NEXMIF: variants seen among roughly 807,000 people sequenced by gnomAD.
NEXMIF encodes the protein XLMR protein related to neurite extension.
Under a neutral mutation model 62.1 loss-of-function variants are expected in NEXMIF, and 8 were observed. The ratio of observed to expected loss-of-function variants is 0.13; its 90% CI spans 0.08 to 0.23. The LOEUF (loss-of-function observed/expected upper bound fraction) is 0.23. Ranked by LOEUF, NEXMIF falls within the 10% of genes least tolerant of loss-of-function variation. NEXMIF has a pLI of 1.00. For missense variants in NEXMIF, 976 were observed against 1,113.3 expected (o/e 0.88, Z 1.75); for synonymous variants, 404 against 416.6 (o/e 0.97, Z 0.37).
At chrX:74,893,752 A>T (rs2080724732) in intron 1 of NEXMIF, among the ~76,000 whole-genome samples, 1 of 112,062 alleles carries the variant, frequency 8.9e-6, no homozygotes, top group Admixed American at 9.5e-5. Context: ...GCTTTGCAGA[A>T]ATTATAGCAT....
intron 1 of NEXMIF, among the ~76,000 whole-genome samples, chrX:74,805,472 G>A (rs1355226444): frequency 8.9e-6 from 1 of 112,415 alleles, no homozygotes; most frequent in Admixed American, 9.4e-5. Flanking sequence ...TGTTTACTCT[G>A]TTGATAGCTT....
At chrX:74,795,904 C>G in intron 1 of NEXMIF, among the ~76,000 whole-genome samples, 1 of 104,912 alleles carries the variant, frequency 9.5e-6, no homozygotes. Context: ...AAGCTGTTGT[C>G]ATGGTGGTAT....
intron 1 of NEXMIF, among the ~76,000 whole-genome samples, chrX:74,767,499 C>T (rs1334061978): frequency 9.0e-6 from 1 of 111,661 alleles, no homozygotes; most frequent in Non-Finnish European, 1.9e-5. Context: ...GGATCCAGCA[C>T]CCATGTGAAA....
At chrX:74,906,521 G>A (rs979399986) in intron 1 of NEXMIF, among the ~76,000 whole-genome samples, 4 of 109,971 alleles carry the variant, frequency 3.6e-5, no homozygotes, top group Admixed American at 9.8e-5. Flanking sequence ...TATTTTCTCC[G>A]GACAGAAATT....
intron 1 of NEXMIF, among the ~76,000 whole-genome samples, chrX:74,923,254 A>G (rs1477313185): frequency 1.8e-5 from 2 of 111,981 alleles, no homozygotes; most frequent in African/African-American, 6.5e-5. Context: ...TTGACCTAGT[A>G]AGCAAATACG....
At chrX:74,882,723 G>C (rs1165747677) in intron 1 of NEXMIF, among the ~76,000 whole-genome samples, 3 of 112,282 alleles carry the variant, frequency 2.7e-5, no homozygotes, top group Non-Finnish European at 5.6e-5. Context: ...TCTGGAGACA[G>C]GGCACAGAAA....
At chrX:74,855,292 C>T (rs542843531) in intron 1 of NEXMIF, among the ~76,000 whole-genome samples, 2 of 112,011 alleles carry the variant, frequency 1.8e-5, no homozygotes, top group South Asian at 7.3e-4. Context: ...TCTATGAAGG[C>T]ACAAAGAACG....
chrX:74,836,755 G>A (rs1040639808), intron 1 of NEXMIF, among the ~76,000 whole-genome samples: 6 of 111,445 alleles, frequency 5.4e-5, no homozygotes, highest in Non-Finnish European at 9.4e-5. Context: ...CCTGGGGTTG[G>A]GGGGAGGCAT....
chrX:74,762,135 G>A (rs2080178619), intron 1 of NEXMIF, among the ~76,000 whole-genome samples: 1 of 58,715 alleles, frequency 1.7e-5, no homozygotes, highest in African/African-American at 7.2e-5. Context: ...CCCCACAACA[G>A]GCCCTGGTGT....
At chrX:74,750,457 C>A (rs2080138591) in intron 1 of NEXMIF, among the ~76,000 whole-genome samples, 1 of 111,927 alleles carries the variant, frequency 8.9e-6, no homozygotes, top group South Asian at 3.7e-4. Flanking sequence ...TTAGCTGTCA[C>A]ACTGGAAAGA....
At chrX:74,903,584 G>C (rs2080756488) in intron 1 of NEXMIF, among the ~76,000 whole-genome samples, 1 of 111,735 alleles carries the variant, frequency 8.9e-6, no homozygotes. Context: ...GAATTAAACT[G>C]ATTAAAGCAG....
At chrX:74,900,355 T>G (rs2080745366) in intron 1 of NEXMIF, among the ~76,000 whole-genome samples, 1 of 106,918 alleles carries the variant, frequency 9.4e-6, no homozygotes, top group Non-Finnish European at 1.9e-5. Flanking sequence ...TCCCAGCTAC[T>G]CGGGAGGCTG....
chrX:74,748,064 G>C (rs944869077), intron 1 of NEXMIF, among the ~76,000 whole-genome samples: 1 of 112,192 alleles, frequency 8.9e-6, no homozygotes, highest in African/African-American at 3.2e-5. Context: ...TTATGACTCT[G>C]AAGTAAAGGG....
chrX:74,880,205 A>G (rs1343038346), intron 1 of NEXMIF, among the ~76,000 whole-genome samples: 2 of 112,172 alleles, frequency 1.8e-5, no homozygotes, highest in Non-Finnish European at 3.8e-5. Flanking sequence ...CTTATTGTGA[A>G]TAAACACTCT....
chrX:74,751,461 T>G (rs1002341002), intron 1 of NEXMIF, among the ~76,000 whole-genome samples: 2 of 110,229 alleles, frequency 1.8e-5, no homozygotes, highest in African/African-American at 6.6e-5. Context: ...TCTCTTTCTT[T>G]CTTGCTTCTT....
At chrX:74,853,367 A>G (rs972061566) in intron 1 of NEXMIF, among the ~76,000 whole-genome samples, 13 of 108,363 alleles carry the variant, frequency 1.2e-4, no homozygotes, top group African/African-American at 3.4e-4. Flanking sequence ...CTAGTCTTTT[A>G]TTATGCAAAT....
chrX:74,816,304 A>C (rs1435081331), intron 1 of NEXMIF, among the ~76,000 whole-genome samples: 1 of 112,144 alleles, frequency 8.9e-6, no homozygotes, highest in Non-Finnish European at 1.9e-5. Context: ...TGTCATCAAA[A>C]ACAATGCACA....
intron 1 of NEXMIF, among the ~76,000 whole-genome samples, chrX:74,808,214 G>C (rs2080350715): frequency 1.8e-5 from 2 of 110,633 alleles, no homozygotes; most frequent in African/African-American, 6.6e-5. Flanking sequence ...GACCAGCCTG[G>C]CCAAAATGGT....
intron 1 of NEXMIF, among the ~76,000 whole-genome samples, chrX:74,914,453 A>T (rs1280084676): frequency 9.0e-6 from 1 of 111,673 alleles, no homozygotes; most frequent in African/African-American, 3.3e-5. Context: ...CAGGTGGATC[A>T]CTTGAGGTCA....
Sources: gnomAD v4.1 joint callset for allele counts (sites outside exome capture counted in the v4.1 genomes callset) on GRCh38, gnomAD v4.1.1 for gene constraint, MANE v1.5 for transcripts, NCBI Gene and HGNC (gene_info 2026-07-23, HGNC 2026-07-21) for gene names.